The following GABRR2 variants were observed in gnomAD, a reference collection of about 807,000 sequenced individuals.
The protein encoded by GABRR2 is gamma-aminobutyric acid receptor subunit rho-2.
GABRR2 carries 36 observed loss-of-function variants against 47.0 expected under a neutral mutation model. The ratio of observed to expected loss-of-function variants is 0.77; its 90% CI spans 0.59 to 1.01. The LOEUF is 1.01. Ranked by LOEUF, GABRR2 falls within the 50% of genes least tolerant of loss-of-function variation. The probability of loss-of-function intolerance (pLI) is 0.00; values close to 1 mark genes in which losing one functional copy is unlikely to be tolerated. For synonymous variants in GABRR2, 204 were observed against 227.5 expected (o/e 0.90, Z 0.93); for missense variants, 587 against 594.6 (o/e 0.99, Z 0.13).
chr6:89,303,987 A>G (rs921470204), intron 1 of GABRR2, among the ~76,000 whole-genome samples: 1 of 152,234 alleles, frequency 6.6e-6, no homozygotes, highest in Admixed American at 6.5e-5. Context: ...TATAAAACTC[A>G]AAACTATAAA....
At chr6:89,286,066 C>A (rs1243983836) in intron 2 of GABRR2, among the ~76,000 whole-genome samples, 1 of 152,114 alleles carries the variant, frequency 6.6e-6, no homozygotes, top group East Asian at 1.9e-4. Context: ...GACAGTCTTC[C>A]TCCTGGGCCT....
At chr6:89,271,157 C>A (rs919256026) in intron 3 of GABRR2, among the ~76,000 whole-genome samples, 2 of 152,028 alleles carry the variant, frequency 1.3e-5, no homozygotes, top group Non-Finnish European at 2.9e-5. Context: ...GGCTGGGGCC[C>A]TGGGGTGGGG....
chr6:89,296,175 T>G (rs926709333), intron 2 of GABRR2, among the ~76,000 whole-genome samples: 1 of 152,188 alleles, frequency 6.6e-6, no homozygotes, highest in African/African-American at 2.4e-5. Flanking sequence ...CTGAGTGAAA[T>G]GGGGACACCC....
intron 8 of GABRR2, among the ~76,000 whole-genome samples, chr6:89,258,765 G>C (rs929791987): frequency 6.6e-6 from 1 of 150,444 alleles, no homozygotes; most frequent in Admixed American, 6.6e-5. Context: ...TGATGAGGTA[G>C]AGAGTGTCCT....
Position 89,257,550 on chromosome 6 carries a change from G to A in GABRR2, c.*120C>T. Reference sequence around the variant, plus strand: ...TCTCTGAGAGATGAGTGCTGCTCAGGGTGGTCCAGTAGCTGCTGCATTGTT... The same window carrying A: ...TCTCTGAGAGATGAGTGCTGCTCAGAGTGGTCCAGTAGCTGCTGCATTGTT... On this transcript the variant is annotated 3_prime_UTR_variant, in exon 9 of 9. Coordinates refer to ENST00000402938, the MANE Select transcript of GABRR2 (RefSeq NM_002043.5). 2.5e-6 allele frequency: 2 copies of A among 790,036 alleles called. No individual in the cohort carries two copies. The highest frequency in any genetic ancestry group is 2.0e-6 in the Non-Finnish European group (1 of 501,664). 48.9% of individuals were successfully genotyped at this position (790,036 alleles called of 1,614,324 possible).
At position 89,302,018 on chromosome 6, in the gene GABRR2, C is replaced by T. The variant is rs1767450938; in HGVS notation, c.114-2153G>A. 4.4e-6 allele frequency: 3 copies of T among 682,694 alleles called. No individual in the cohort carries two copies. In the South Asian group the frequency reaches 5.0e-5, roughly 11 times the overall value. 42.3% of individuals were successfully genotyped at this position (682,694 alleles called of 1,614,324 possible). A position where few individuals can be genotyped will look rare whatever the true frequency, so the allele number is the denominator to read the frequency against. ...GACCATGGACAGTGTCGGCTCGGGG[C>T]CTTTTGGACATTTTTTCAGGCCTGA... On this transcript the variant is annotated intron_variant, in intron 1 of 8. Transcript: ENST00000402938.
intron 2 of GABRR2, among the ~76,000 whole-genome samples, chr6:89,275,681 T>C (rs1774146549): frequency 6.6e-6 from 1 of 152,182 alleles, no homozygotes; most frequent in African/African-American, 2.4e-5. Flanking sequence ...CTACTTCTCT[T>C]AGGGGCATTT....
chr6:89,278,833 T>C (rs997390608), intron 2 of GABRR2, among the ~76,000 whole-genome samples: 2 of 152,002 alleles, frequency 1.3e-5, no homozygotes, highest in African/African-American at 4.8e-5. Flanking sequence ...AGATCTAAGG[T>C]CAAATGGCAC....
In GABRR2 at chr6:89,314,172, G is replaced by A. The variant is rs1309534164; in HGVS notation, c.113+881C>T. ...TTGACAGCAGCGCATGTTCAAAAAT[G>A]TTTGGGGACTGACCTAGAAAATGTG... On this transcript the variant is annotated intron_variant, in intron 1 of 8. Coordinates refer to ENST00000402938, the MANE Select transcript of GABRR2 (RefSeq NM_002043.5). Among the ~76,000 whole-genome samples the A allele has an allele frequency of 2.0e-5, 3 of 152,158 alleles. No homozygotes were observed. In the East Asian group the frequency reaches 5.8e-4, roughly 29 times the overall value.
chr6:89,283,351 CTT>C (rs1005659740), intron 2 of GABRR2, among the ~76,000 whole-genome samples: 2 of 152,034 alleles, frequency 1.3e-5, no homozygotes, highest in Admixed American at 1.3e-4. Context: ...ATACATATGA[CTT>C]GTGATAGCAA....
chr6:89,298,873 A>T (rs192874505), intron 2 of GABRR2, among the ~76,000 whole-genome samples: 1 of 152,156 alleles, frequency 6.6e-6, no homozygotes, highest in Non-Finnish European at 1.5e-5. Flanking sequence ...TAGTGCTCTT[A>T]GAAAAGAGGC....
chr6:89,284,075 A>C (rs986909232), intron 2 of GABRR2, among the ~76,000 whole-genome samples: 3 of 152,136 alleles, frequency 2.0e-5, no homozygotes, highest in African/African-American at 7.2e-5. Flanking sequence ...AGAGAGGGTC[A>C]CATGCTGTAT....
intron 2 of GABRR2, 40 bp from the exon 3 acceptor site, chr6:89,271,762 C>T (rs1432502007): frequency 6.3e-7 from 1 of 1,578,428 alleles, no homozygotes; most frequent in African/African-American, 1.4e-5. Flanking sequence ...GCACCTTCCT[C>T]TCTACCTTTG....
At chr6:89,311,799 C>G (rs1482662240) in intron 1 of GABRR2, among the ~76,000 whole-genome samples, 1 of 152,184 alleles carries the variant, frequency 6.6e-6, no homozygotes, top group African/African-American at 2.4e-5. Flanking sequence ...GGGCTCACCA[C>G]CCCCCTTTTC....
chr6:89,295,330 A>T (rs1302812435), intron 2 of GABRR2, among the ~76,000 whole-genome samples: 1 of 152,176 alleles, frequency 6.6e-6, no homozygotes, highest in Non-Finnish European at 1.5e-5. Context: ...AATGATGGCC[A>T]TTCTAACTGG....
intron 2 of GABRR2, among the ~76,000 whole-genome samples, chr6:89,291,823 A>G (rs9362633): frequency 0.059 from 8,916 of 152,264 alleles, 731 homozygotes; most frequent in East Asian, 0.42. Context: ...AAGTAATTTA[A>G]TGTGAAAAGA....
chr6:89,280,314 T>C (rs1434227966), intron 2 of GABRR2, among the ~76,000 whole-genome samples: 1 of 149,512 alleles, frequency 6.7e-6, no homozygotes, highest in Non-Finnish European at 1.5e-5. Context: ...ATTATTATTA[T>C]GGCCTAACTC....
At chr6:89,293,290 AG>A (rs1387638337) in intron 2 of GABRR2, among the ~76,000 whole-genome samples, 1 of 152,130 alleles carries the variant, frequency 6.6e-6, no homozygotes, top group African/African-American at 2.4e-5. Context: ...CAGGGGCTGA[AG>A]GGGTGACAGA....
chr6:89,279,201 C>G (rs1270743126), intron 2 of GABRR2, among the ~76,000 whole-genome samples: 1 of 152,232 alleles, frequency 6.6e-6, no homozygotes, highest in Non-Finnish European at 1.5e-5. Flanking sequence ...ATGCCACCCA[C>G]AGCTGCTCCT....
Sources: gnomAD v4.1 joint callset for allele counts (sites outside exome capture counted in the v4.1 genomes callset) on GRCh38, gnomAD v4.1.1 for gene constraint, MANE v1.5 for transcripts, NCBI Gene and HGNC (gene_info 2026-07-23, HGNC 2026-07-21) for gene names.